The following FUBP3 variants were observed in gnomAD, a reference collection of about 807,000 sequenced individuals.
The protein encoded by FUBP3 is far upstream element-binding protein 3.
In FUBP3, 28 loss-of-function variants were observed where a neutral mutation model predicts 85.6. The ratio of observed to expected loss-of-function variants is 0.33; its 90% CI spans 0.24 to 0.45. The LOEUF is 0.45. FUBP3 is among the 20% of genes least tolerant of loss of function. The pLI, the probability that FUBP3 is intolerant of heterozygous loss-of-function variation, is 1.00. For missense variants in FUBP3, 583 were observed against 755.1 expected, an observed-to-expected ratio of 0.77 and a Z score of 2.67; for synonymous variants, 271 against 271.4, an observed-to-expected ratio of 1.00 and a Z score of 0.01.
At chr9:130,623,735 G>C in intron 11 of FUBP3, 24 bp downstream of exon 11, 1 of 1,511,352 alleles carries the variant, frequency 6.6e-7, no homozygotes, top group Non-Finnish European at 9.2e-7. Context: ...TGCAGAGTGT[G>C]AGTGTTTGGG....
rs553428633 is a variant in FUBP3, at chr9:130,631,746, C to A, written c.1352+116C>A. The A allele has an allele frequency of 1.4e-3, 1,232 of 902,524 alleles. 2 individuals carry two copies. Among genetic ancestry groups the A allele is most frequent in the Non-Finnish European group, 1.7e-3 (971 of 561,456 alleles). The allele number at this position is 902,524 out of a possible 1,614,324, so 55.9% of individuals were successfully genotyped here. ...CAAGGCCTGAAGTTCTGGGCGTGGG[C>A]AGGACTCGTTTCTTTTCCTCTCACC... On this transcript the variant is annotated intron_variant, in intron 14 of 18. Coordinates refer to ENST00000319725, the MANE Select transcript of FUBP3 (RefSeq NM_003934.2).
rs1831250908 is a variant in FUBP3 at position 130,603,329 on chromosome 9, A to G, written c.191-6625A>G. Among the ~76,000 whole-genome samples the G allele has an allele frequency of 3.6e-5, 5 of 139,098 alleles. No homozygotes were observed. The South Asian group carries it at 9.4e-4, about 26-fold the overall frequency. The allele number at this position is 139,098 out of a possible 152,430, so 91.3% of individuals were successfully genotyped here. A position where few individuals can be genotyped will look rare whatever the true frequency, so the allele number is the denominator to read the frequency against. On this transcript the variant is annotated intron_variant, in intron 2 of 18. Transcript: ENST00000319725. The stretch of plus-strand genomic sequence containing the variant: ...GTCACTGCACTCCAGCCTGGGCGAC[A>G]GAGCAAGACTCTGTCTCCAAAAAAA...
At chr9:130,588,869 C>T (rs1451601549) in intron 1 of FUBP3, among the ~76,000 whole-genome samples, 1 of 152,242 alleles carries the variant, frequency 6.6e-6, no homozygotes, top group Non-Finnish European at 1.5e-5. Flanking sequence ...ATACTGTTTC[C>T]TCCCACTGTG....
Position 130,579,648 on chromosome 9 carries a change from TCGG to T in FUBP3, c.-21_-19del, listed in dbSNP as rs573526178. On this transcript the variant is annotated 5_prime_UTR_variant, in exon 1 of 19. Coordinates refer to ENST00000319725, the MANE Select transcript of FUBP3 (RefSeq NM_003934.2). ...GAGCCGAGCGGCGGCGTCGGCGGCGTCGGCGGCGGCGGCGACGGCGGCGGGGGC... is the reference window on the plus strand; with the variant it reads ...GAGCCGAGCGGCGGCGTCGGCGGCGTCGGCGGCGGCGACGGCGGCGGGGGC... The T allele has an allele frequency of 5.9e-5, 71 of 1,209,052 alleles. No individual in the cohort carries two copies. The highest frequency in any genetic ancestry group is 2.0e-4 in the African/African-American group (13 of 63,502). 74.9% of individuals were successfully genotyped at this position (1,209,052 alleles called of 1,614,324 possible).
At chr9:130,593,833 A>C (rs905472724) in intron 1 of FUBP3, among the ~76,000 whole-genome samples, 1 of 152,250 alleles carries the variant, frequency 6.6e-6, no homozygotes, top group Non-Finnish European at 1.5e-5. Context: ...TAAATGAAAG[A>C]GTTGCTTTAT....
intron 10 of FUBP3, 93 bp from the exon 11 acceptor site, chr9:130,623,518 G>C (rs140357695): frequency 7.2e-6 from 6 of 834,410 alleles, no homozygotes; most frequent in Middle Eastern, 2.3e-4. Flanking sequence ...TTTTGGCACC[G>C]CGGGTGAGAA....
intron 6 of FUBP3, among the ~76,000 whole-genome samples, chr9:130,615,055 T>C (rs962633803): frequency 3.3e-5 from 5 of 152,128 alleles, no homozygotes; most frequent in Admixed American, 6.5e-5. Context: ...TCTGACTCAA[T>C]AGGTAGGGTT....
chr9:130,589,703 A>AT (rs1441029705), intron 1 of FUBP3, among the ~76,000 whole-genome samples: 101 of 28,556 alleles, frequency 3.5e-3, no homozygotes, highest in African/African-American at 0.015. Context: ...ATATATATAT[A>AT]TATTTTTTTT....
At position 130,609,918 on chromosome 9, in the gene FUBP3, G is replaced by T. The variant is rs759731674; in HGVS notation, c.191-36G>T. The T allele has an allele frequency of 1.9e-6, 3 of 1,558,840 alleles. No homozygotes were observed. In the South Asian group the frequency reaches 3.3e-5, roughly 17 times the overall value. On this transcript the variant is annotated intron_variant, in intron 2 of 18. Coordinates refer to ENST00000319725, the MANE Select transcript of FUBP3 (RefSeq NM_003934.2). ...ATGAAGTTAGTTTATCCGTGCTAAT[G>T]CTTTGATTTTTTTTTTCTCTTTCTC...
In FUBP3 at chr9:130,610,980, A is replaced by G. The variant is rs185126233; in HGVS notation, c.224+993A>G. The stretch of plus-strand genomic sequence containing the variant: ...CAGGATTTTCTTTTCCAAGGTGTTT[A>G]TATTTTGTACCTTGGACAAGTTTCA... On this transcript the variant is annotated intron_variant, in intron 3 of 18. Coordinates refer to ENST00000319725, the MANE Select transcript of FUBP3 (RefSeq NM_003934.2). Among the ~76,000 whole-genome samples the G allele has an allele frequency of 1.3e-3, 196 of 152,254 alleles. 1 individual carries two copies. Among genetic ancestry groups the G allele is most frequent in the Non-Finnish European group, 3.2e-4 (22 of 68,006 alleles).
intron 9 of FUBP3, among the ~76,000 whole-genome samples, chr9:130,621,040 A>G (rs982547936): frequency 6.6e-6 from 1 of 152,184 alleles, no homozygotes; most frequent in African/African-American, 2.4e-5. Flanking sequence ...GGATGATGAA[A>G]TGTTTTGGAT....
intron 2 of FUBP3, among the ~76,000 whole-genome samples, chr9:130,601,464 T>A (rs1041062456): frequency 1.3e-5 from 2 of 152,132 alleles, no homozygotes; most frequent in Non-Finnish European, 2.9e-5. Context: ...GCATTCTGTG[T>A]AGTGGGTGGC....
At chr9:130,596,592 G>C (rs1830881857) in intron 2 of FUBP3, 1 of 377,860 alleles carries the variant, frequency 2.6e-6, no homozygotes, top group Admixed American at 3.4e-5. Context: ...GAACTCCTGG[G>C]CTCGAGTGAT....
intron 2 of FUBP3, among the ~76,000 whole-genome samples, chr9:130,604,853 G>A (rs890584848): frequency 1.3e-5 from 2 of 151,190 alleles, no homozygotes; most frequent in East Asian, 1.9e-4. Context: ...AGCCGAGATC[G>A]TGCCACTGCA....
chr9:130,600,258 C>T (rs1381551205), intron 2 of FUBP3, among the ~76,000 whole-genome samples: 1 of 152,084 alleles, frequency 6.6e-6, no homozygotes, highest in African/African-American at 2.4e-5. Context: ...GTTACTGGGT[C>T]CCGCTGTGCA....
chr9:130,629,296 C>T (rs1445040156), intron 12 of FUBP3, among the ~76,000 whole-genome samples: 3 of 152,166 alleles, frequency 2.0e-5, no homozygotes, highest in Admixed American at 1.3e-4. Flanking sequence ...TCTGAAACTC[C>T]AGCGGGACCT....
intron 18 of FUBP3, 49 bp from the exon 19 acceptor site, chr9:130,636,965 C>T: frequency 6.3e-7 from 1 of 1,587,460 alleles, no homozygotes; most frequent in Middle Eastern, 1.7e-4. Flanking sequence ...GGCACACAGA[C>T]CTGAGAACCT....
rs73549915 is a variant in FUBP3 at position 130,618,274 on chromosome 9, C to T, written c.666+379C>T. On this transcript the variant is annotated intron_variant, in intron 8 of 18. Transcript: ENST00000319725. Reference sequence around the variant, plus strand: ...TTGGTTTTTTGTTTTGTTTCCCCCACGTCATCCTTCCAGGTGCAGTTTTGA... The same window carrying T: ...TTGGTTTTTTGTTTTGTTTCCCCCATGTCATCCTTCCAGGTGCAGTTTTGA... Among the ~76,000 whole-genome samples the T allele has an allele frequency of 2.9e-3, 434 of 152,278 alleles. 2 individuals are homozygous for T. Among genetic ancestry groups the T allele is most frequent in the African/African-American group, 0.01 (422 of 41,552 alleles).
At chr9:130,633,459 A>AG (rs1830295007) in intron 16 of FUBP3, among the ~76,000 whole-genome samples, 1 of 152,192 alleles carries the variant, frequency 6.6e-6, no homozygotes. Flanking sequence ...GGGGACACTG[A>AG]GGCCTGGGAG....
Sources: gnomAD v4.1 joint callset for allele counts (sites outside exome capture counted in the v4.1 genomes callset) on GRCh38, gnomAD v4.1.1 for gene constraint, MANE v1.5 for transcripts, NCBI Gene and HGNC (gene_info 2026-07-23, HGNC 2026-07-21) for gene names.